The following MGAT4B variants were observed in gnomAD, a reference collection of about 807,000 sequenced individuals.
The protein encoded by MGAT4B is N-acetylglucosaminyltransferase IVb.
A neutral mutation model predicts 73.9 loss-of-function variants in MGAT4B; 38 were observed. The ratio of observed to expected loss-of-function variants is 0.51; its 90% CI spans 0.40 to 0.67. MGAT4B has a LOEUF of 0.67. Among genes scored for constraint, MGAT4B ranks in the 30% least tolerant of loss-of-function variants. The probability of loss-of-function intolerance (pLI) is 0.00; values close to 1 mark genes in which losing one functional copy is unlikely to be tolerated. For missense variants in MGAT4B, 686 were observed against 735.2 expected (o/e 0.93, Z 0.77); for synonymous variants, 373 against 313.5 (o/e 1.19, Z -2.01).
Position 179,801,957 on chromosome 5 carries a change from T to C in MGAT4B, c.110A>G (p.Asp37Gly), listed in dbSNP as rs1756964568. 1.2e-6 allele frequency: 2 copies of C among 1,613,286 alleles called. No homozygotes were observed. Among genetic ancestry groups the C allele is most frequent in the Non-Finnish European group, 1.7e-6 (2 of 1,179,974 alleles). The stretch of plus-strand genomic sequence containing the variant: ...CGCCAGGAACTCCCGCTGGTAAACG[T>C]CCACAACGTCGCCTGCAGGTGGTAG... ...ALSGQKGDVVDVYQREFLALR... is the reference protein window; with the variant it reads ...ALSGQKGDVVGVYQREFLALR... Residue 37 changes from aspartate (D) to glycine (G), a missense_variant, in exon 2 of 15, where the codon GAC becomes GGC. Physicochemically the swap from Asp to Gly is moderately conservative, Grantham distance 94 (BLOSUM62 -1). Coordinates refer to ENST00000292591, the MANE Select transcript of MGAT4B (RefSeq NM_014275.5). The surrounding 1 kb of genome is among the most constrained non-coding windows in gnomAD (Gnocchi z 4.8).
rs1756935442 is a variant in MGAT4B, at chr5:179,801,581, C to A, written c.397G>T (p.Val133Leu). 4.4e-6 allele frequency: 7 copies of A among 1,607,588 alleles called. No individual in the cohort carries two copies. Among genetic ancestry groups the A allele is most frequent in the Non-Finnish European group, 5.9e-6 (7 of 1,177,990 alleles). Residue 133 changes from valine (V) to leucine (L), a missense_variant, in exon 3 of 15, where the codon GTG (valine) becomes TTG (leucine). Val to Leu is a conservative substitution (Grantham distance 32). Transcript: ENST00000292591. The surrounding 1 kb of genome is among the most constrained non-coding windows in gnomAD (Gnocchi z 4.8). ...LAKESSLQPA[V>L]RVGQGRTGVS... ...CCGGTGCGGCCCTGGCCCACGCGCA[C>A]CGCGGGCTGCAGACTGCTCTCCTTG...
Position 179,801,778 on chromosome 5 carries a change from C to A in MGAT4B, c.283+6G>T. 6.3e-7 allele frequency: 1 copy of A among 1,576,214 alleles called. No homozygotes were observed. The highest frequency in any genetic ancestry group is 8.6e-7 in the Non-Finnish European group (1 of 1,158,266). On this transcript the variant is annotated splice_donor_region_variant and intron_variant, in intron 2 of 14. Coordinates refer to ENST00000292591, the MANE Select transcript of MGAT4B (RefSeq NM_014275.5). The surrounding 1 kb of genome is among the most constrained non-coding windows in gnomAD (Gnocchi z 4.8). Reference sequence around the variant, plus strand: ...CGCCTTTTCCCCCTCCCGCCCCAGACCTCACCTGTTAGGCGGCCCCAGGTG... The same window carrying A: ...CGCCTTTTCCCCCTCCCGCCCCAGAACTCACCTGTTAGGCGGCCCCAGGTG...
At position 179,801,969 on chromosome 5, in the gene MGAT4B, C is replaced by T. The variant is rs1756965449; in HGVS notation, c.98G>A (p.Gly33Asp). ...SWYAALSGQK[G>D]DVVDVYQREF... The stretch of plus-strand genomic sequence containing the variant: ...CCGCTGGTAAACGTCCACAACGTCG[C>T]CTGCAGGTGGTAGGCAAGCCGTCAC... Residue 33 changes from glycine (G) to aspartate (D), a missense_variant and splice_region_variant, in exon 2 of 15, where the codon GGC becomes GAC. Gly to Asp is a moderately conservative substitution (Grantham distance 94, BLOSUM62 -1). This residue lies in a region of MGAT4B where 237 missense variants were observed against 198.5 expected (regional missense o/e 1.19). Coordinates refer to ENST00000292591, the MANE Select transcript of MGAT4B (RefSeq NM_014275.5). This position sits in a 1 kb window ranked among gnomAD's most constrained non-coding sequence, Gnocchi z 4.8. 1 of 1,613,274 alleles carries T rather than the reference C, an allele frequency of 6.2e-7. No homozygotes were observed. The highest frequency in any genetic ancestry group is 8.5e-7 in the Non-Finnish European group (1 of 1,180,008).
intron 8 of MGAT4B, 126 bp from the exon 9 acceptor site, chr5:179,799,762 G>T (rs1019843743): frequency 9.0e-6 from 13 of 1,441,902 alleles, no homozygotes; most frequent in Non-Finnish European, 1.2e-5. Flanking sequence ...ACGGGGCAGG[G>T]AGGCAGACAG....
Position 179,802,194 on chromosome 5 carries a change from C to T in MGAT4B, c.98-225G>A, listed in dbSNP as rs1000610493. On this transcript the variant is annotated intron_variant, in intron 1 of 14. Coordinates refer to ENST00000292591, the MANE Select transcript of MGAT4B (RefSeq NM_014275.5). ...GAATTAGCCCTCTTCCAGTACTCTC[C>T]CCCACCGGGGGTTATTTTATCCTCT... 66 of 1,487,038 alleles carry T rather than the reference C, an allele frequency of 4.4e-5. 1 individual carries two copies. The Middle Eastern group carries it at 2.0e-3, about 46-fold the overall frequency. 92.1% of individuals were successfully genotyped at this position (1,487,038 alleles called of 1,614,324 possible).
At chr5:179,798,751 G>A (rs1262377322) in intron 11 of MGAT4B, 160 bp from the exon 12 acceptor site, 2 of 1,082,726 alleles carry the variant, frequency 1.8e-6, no homozygotes, top group Non-Finnish European at 2.7e-6. Context: ...ATGGTGACAG[G>A]AAACATCCCT....
chr5:179,806,593 T>A lies in MGAT4B; in HGVS notation c.-10A>T, dbSNP rs556009554. 2.8e-4 allele frequency: 351 copies of A among 1,233,490 alleles called. 7 individuals are homozygous for A. In the South Asian group the frequency reaches 5.8e-3, roughly 20 times the overall value. 76.4% of individuals were successfully genotyped at this position (1,233,490 alleles called of 1,614,324 possible). ...CATTGCGGAGCCTCATCTCCTCGGG[T>A]GCGCGGCGGGCGCCCGCGGGGCCGA... On this transcript the variant is annotated 5_prime_UTR_variant, in exon 1 of 15. Coordinates refer to ENST00000292591, the MANE Select transcript of MGAT4B (RefSeq NM_014275.5). The surrounding 1 kb of genome is among the most constrained non-coding windows in gnomAD (Gnocchi z 4.6).
At chr5:179,802,315 G>A (rs540683927) in intron 1 of MGAT4B, 28 of 1,365,158 alleles carry the variant, frequency 2.1e-5, no homozygotes, top group African/African-American at 1.9e-4. Context: ...CGCTCCATCC[G>A]TTGGCCTCCA....
rs1756704004 is a variant in MGAT4B, at chr5:179,797,696, AAC to A, written c.*347_*348del. The stretch of plus-strand genomic sequence containing the variant: ...AAATCAAATGTATCCAAGAATAAAA[AAC>A]ACAGCACATAAAGTAGTATATGCAT... On this transcript the variant is annotated 3_prime_UTR_variant, in exon 15 of 15. Coordinates refer to ENST00000292591, the MANE Select transcript of MGAT4B (RefSeq NM_014275.5). The A allele has an allele frequency of 4.3e-6, 1 of 234,632 alleles. No homozygotes were observed. The highest frequency in any genetic ancestry group is 2.3e-5 in the African/African-American group (1 of 43,504). 14.5% of individuals were successfully genotyped at this position (234,632 alleles called of 1,614,324 possible).
In MGAT4B at chr5:179,801,516, T is replaced by G. The variant is rs1562615506; in HGVS notation, c.424+38A>C. 1.9e-5 allele frequency: 30 copies of G among 1,600,462 alleles called. No homozygotes were observed. The highest frequency in any genetic ancestry group is 2.6e-5 in the Non-Finnish European group (30 of 1,171,980). On this transcript the variant is annotated intron_variant, in intron 3 of 14. Transcript: ENST00000292591. This position sits in a 1 kb window ranked among gnomAD's most constrained non-coding sequence, Gnocchi z 4.8. Reference sequence around the variant, plus strand: ...CTGGAAAGGGTGCGGGGGCCACCCGTCCCCCCACCCCGTGCTCCTCCCTGT... The same window carrying G: ...CTGGAAAGGGTGCGGGGGCCACCCGGCCCCCCACCCCGTGCTCCTCCCTGT...
rs1164636641 is a variant in MGAT4B, at chr5:179,798,221, C to G, written c.1567G>C (p.Glu523Gln). The change falls in exon 14 of 15, where the codon GAA becomes CAA. Residue 523 changes from glutamate to glutamine, a missense_variant. By Grantham distance (29) the Glu-to-Gln change is conservative. Around this residue, in one of 2 missense-constraint regions of MGAT4B, gnomAD observed 449 missense variants for 536.8 expected, o/e 0.84. Transcript: ENST00000292591. ...GTCTGGATCGAGAGGCGCAGTGCTT[C>G]CAGAGGGCCGAAGGCTGGGTCCACC... is the stretch of plus-strand genomic sequence containing the variant. The part of the protein sequence containing the change: ...GEVDPAFGPL[E>Q]ALRLSIQTDS... 1 of 1,605,446 alleles carries G rather than the reference C, an allele frequency of 6.2e-7. No homozygotes were observed. Among genetic ancestry groups the G allele is most frequent in the Non-Finnish European group, 8.5e-7 (1 of 1,175,146 alleles).
In MGAT4B at chr5:179,801,596, T is replaced by C; in HGVS notation, c.382A>G (p.Ser128Gly). The change falls in exon 3 of 15, where the codon AGT becomes GGT. Residue 128 changes from serine (S) to glycine (G), a missense_variant. By Grantham distance (56) the Ser-to-Gly change is moderately conservative. Coordinates refer to ENST00000292591, the MANE Select transcript of MGAT4B (RefSeq NM_014275.5). This position sits in a 1 kb window ranked among gnomAD's most constrained non-coding sequence, Gnocchi z 4.8. ...CCCACGCGCACCGCGGGCTGCAGAC[T>C]GCTCTCCTTGGCCAGCAGGTGTGGC... ...HLPHLLAKES[S>G]LQPAVRVGQG... is the part of the protein sequence containing the mutation. The C allele has an allele frequency of 6.2e-7, 1 of 1,607,692 alleles. No homozygotes were observed. The highest frequency in any genetic ancestry group is 8.5e-7 in the Non-Finnish European group (1 of 1,178,122).
Position 179,802,649 on chromosome 5 carries a change from C to T in MGAT4B, c.98-680G>A, listed in dbSNP as rs191597094. 1,359 of 986,664 alleles carry T rather than the reference C, an allele frequency of 1.4e-3. 2 individuals carry two copies. Among genetic ancestry groups the T allele is most frequent in the Non-Finnish European group, 1.6e-3 (1,326 of 830,842 alleles). The allele number at this position is 986,664 out of a possible 1,614,324, so 61.1% of individuals were successfully genotyped here. A position where few individuals can be genotyped will look rare whatever the true frequency, so the allele number is the denominator to read the frequency against. On this transcript the variant is annotated intron_variant, in intron 1 of 14. Transcript: ENST00000292591. ...TGCGCCTGGGGCACCCTGAAGGGTCCGCATGCCACCCCAGGGGGCCCCTGT... is the reference window on the plus strand; with the variant it reads ...TGCGCCTGGGGCACCCTGAAGGGTCTGCATGCCACCCCAGGGGGCCCCTGT...
Position 179,800,104 on chromosome 5 carries a change from AG to A in MGAT4B, c.796-37del, listed in dbSNP as rs750881700. ...AGCAGAGAGGGGCTGGGGCTGAGGAAGGGCACCCAGATGGACCAGACCCATC... is the reference window on the plus strand; with the variant it reads ...AGCAGAGAGGGGCTGGGGCTGAGGAAGGCACCCAGATGGACCAGACCCATC... On this transcript the variant is annotated intron_variant, in intron 7 of 14. Coordinates refer to ENST00000292591, the MANE Select transcript of MGAT4B (RefSeq NM_014275.5). 25 of 1,611,236 alleles carry A rather than the reference AG, an allele frequency of 1.6e-5. No individual in the cohort carries two copies. In the East Asian group the frequency reaches 5.6e-4, roughly 36 times the overall value.
Position 179,801,596 on chromosome 5 carries a change from T to G in MGAT4B, c.382A>C (p.Ser128Arg), listed in dbSNP as rs2113433276. The G allele has an allele frequency of 6.2e-7, 1 of 1,607,692 alleles. No individual in the cohort carries two copies. The highest frequency in any genetic ancestry group is 2.2e-5 in the East Asian group (1 of 44,612). Residue 128 changes from serine to arginine, a missense_variant, in exon 3 of 15, where the codon AGT (serine) becomes CGT (arginine). This residue lies in a region of MGAT4B where 237 missense variants were observed against 198.5 expected (regional missense o/e 1.19). Coordinates refer to ENST00000292591, the MANE Select transcript of MGAT4B (RefSeq NM_014275.5). The surrounding 1 kb of genome is among the most constrained non-coding windows in gnomAD (Gnocchi z 4.8). Reference protein sequence around the residue: ...HLPHLLAKESSLQPAVRVGQG... With the variant: ...HLPHLLAKESRLQPAVRVGQG... ...CCCACGCGCACCGCGGGCTGCAGACTGCTCTCCTTGGCCAGCAGGTGTGGC... is the reference window on the plus strand; with the variant it reads ...CCCACGCGCACCGCGGGCTGCAGACGGCTCTCCTTGGCCAGCAGGTGTGGC...
At position 179,798,192 on chromosome 5, in the gene MGAT4B, G is replaced by T; in HGVS notation, c.1596C>A (p.Asp532Glu). The change falls in exon 14 of 15, where the codon GAC becomes GAA. Residue 532 changes from aspartate (D) to glutamate (E), a missense_variant. Physicochemically the swap from Asp to Glu is conservative, Grantham distance 45. Coordinates refer to ENST00000292591, the MANE Select transcript of MGAT4B (RefSeq NM_014275.5). The part of the protein sequence containing the change: ...LEALRLSIQT[D>E]SPVWVILSEI... The stretch of plus-strand genomic sequence containing the variant: ...CGCTCAGAATCACCCACACAGGGGA[G>T]TCCGTCTGGATCGAGAGGCGCAGTG... 6.3e-7 allele frequency: 1 copy of T among 1,597,398 alleles called. No homozygotes were observed. Among genetic ancestry groups the T allele is most frequent in the Non-Finnish European group, 8.5e-7 (1 of 1,170,992 alleles).
chr5:179,800,904 C>T lies in MGAT4B; in HGVS notation c.605+3G>A, dbSNP rs1162192100. The T allele has an allele frequency of 6.2e-7, 1 of 1,613,384 alleles. No individual in the cohort carries two copies. The highest frequency in any genetic ancestry group is 1.3e-5 in the African/African-American group (1 of 74,894). On this transcript the variant is annotated splice_donor_region_variant and intron_variant, in intron 5 of 14. Transcript: ENST00000292591. ...CCAGCTCTCTGGGGTCGCCAGTACT[C>T]ACAAGGCCTTGATGTTCTCTGTCAC...
intron 1 of MGAT4B, chr5:179,803,084 C>T (rs527465832): frequency 3.0e-6 from 3 of 985,482 alleles, no homozygotes; most frequent in South Asian, 4.7e-5. Flanking sequence ...CAGGGCACAC[C>T]CCTTTCCGAA....
rs144262409 is a variant in MGAT4B at position 179,800,238 on chromosome 5, G to C, written c.741C>G (p.Leu247=). The C allele has an allele frequency of 1.2e-6, 2 of 1,613,424 alleles. No individual in the cohort carries two copies. The highest frequency in any genetic ancestry group is 2.2e-5 in the South Asian group (2 of 91,074). The change falls in exon 7 of 15, where the codon CTC becomes CTG. Residue 247 remains leucine, a synonymous_variant. Coordinates refer to ENST00000292591, the MANE Select transcript of MGAT4B (RefSeq NM_014275.5). The part of the protein sequence containing the change: ...ERVRWRTKQN[L]DYCFLMMYAQ... Reference sequence around the variant, plus strand: ...CGTACATCATGAGGAAGCAGTAATCGAGGTTCTGTTTGGTCCTCCACCTGT... The same window carrying C: ...CGTACATCATGAGGAAGCAGTAATCCAGGTTCTGTTTGGTCCTCCACCTGT...
Sources: allele counts gnomAD v4.1 joint callset, GRCh38; gene constraint gnomAD v4.1.1; regional missense constraint gnomAD v4.1.1; non-coding constraint Gnocchi (gnomAD v3.1); transcripts MANE v1.5; gene names NCBI Gene and HGNC (gene_info 2026-07-23, HGNC 2026-07-21).